Variants in FOXN1 observed in about 807,000 individuals in gnomAD.
FOXN1 encodes forkhead box protein N1.
A neutral mutation model predicts 49.0 loss-of-function variants in FOXN1; 15 were observed. The observed-to-expected ratio is 0.31, with a 90% confidence interval of 0.20 to 0.47. FOXN1 has a LOEUF of 0.47. FOXN1 is among the 20% of genes least tolerant of loss of function. The pLI is 1.00. For missense variants in FOXN1, 800 were observed against 842.8 expected (o/e 0.95, Z 0.63); for synonymous variants, 356 against 369.0 (o/e 0.96, Z 0.40).
chr17:28,523,828 C>G, intron 1 of FOXN1, 128 bp from the exon 2 acceptor site: 1 of 648,562 alleles, frequency 1.5e-6, no homozygotes, highest in East Asian at 2.8e-5. Flanking sequence ...CTCTCTCTCT[C>G]TCTCATCAGA....
At chr17:28,510,580 G>GCACACACACA (rs5819850) in intron 1 of FOXN1, among the ~76,000 whole-genome samples, 2 of 138,182 alleles carry the variant, frequency 1.4e-5, no homozygotes, top group South Asian at 2.4e-4. Context: ...GCACACACAC[G>GCACACACACA]CACACACACA....
chr17:28,520,931 T>G (rs539559070), intron 1 of FOXN1, among the ~76,000 whole-genome samples: 1 of 152,260 alleles, frequency 6.6e-6, no homozygotes, highest in Admixed American at 6.5e-5. Context: ...GGGCTGGGTC[T>G]TCAGCCAATC....
intron 1 of FOXN1, among the ~76,000 whole-genome samples, chr17:28,516,001 A>G (rs2069486186): frequency 6.6e-6 from 1 of 151,900 alleles, no homozygotes; most frequent in Non-Finnish European, 1.5e-5. Flanking sequence ...ACACACCTCC[A>G]GAGGATCCAT....
intron 3 of FOXN1, among the ~76,000 whole-genome samples, chr17:28,525,884 C>T (rs2151488632): frequency 6.6e-6 from 1 of 152,294 alleles, no homozygotes; most frequent in African/African-American, 2.4e-5. Flanking sequence ...TTAAACATGA[C>T]CACAGCCTAC....
At position 28,524,799 on chromosome 17, in the gene FOXN1, C is replaced by T. The variant is rs536976735; in HGVS notation, c.420C>T (p.Thr140=). ...AGGACGTCTTCCCAGAGGCCGAGAC[C>T]ACCCTGGCCCTCAAAGGACACTCCT... ...FHEDVFPEAE[T]TLALKGHSFK... is the part of the protein sequence containing the mutation. The change falls in exon 3 of 9, where the codon ACC becomes ACT. Residue 140 remains threonine (T), a synonymous_variant. Coordinates refer to ENST00000579795, the MANE Select transcript of FOXN1 (RefSeq NM_001369369.1). 2 of 1,613,700 alleles carry T rather than the reference C, an allele frequency of 1.2e-6. No individual in the cohort carries two copies. Among genetic ancestry groups the T allele is most frequent in the South Asian group, 2.2e-5 (2 of 91,070 alleles).
In FOXN1 at chr17:28,534,127, C is replaced by T. The variant is rs888817594; in HGVS notation, c.928-204C>T. The stretch of plus-strand genomic sequence containing the variant: ...GAAGGCAGATTTGAGATGAAAATAA[C>T]TTGGGGTCAAGGTTCCTGTTCACCC... On this transcript the variant is annotated intron_variant, in intron 6 of 8. Transcript: ENST00000579795. This position sits in a 1 kb window ranked among gnomAD's most constrained non-coding sequence, Gnocchi z 4.1. 2.6e-5 allele frequency among the ~76,000 whole-genome samples: 4 copies of T among 152,274 alleles called. No homozygotes were observed. The highest frequency in any genetic ancestry group is 2.6e-4 in the Admixed American group (4 of 15,300).
chr17:28,534,625 G>C lies in FOXN1; in HGVS notation c.1136-82G>C, dbSNP rs1194211200. On this transcript the variant is annotated intron_variant, in intron 7 of 8. Transcript: ENST00000579795. The surrounding 1 kb of genome is among the most constrained non-coding windows in gnomAD (Gnocchi z 4.1). ...AAGAGAGAATCAGAGAATGAGGCAA[G>C]GCCCCGAGTAAGGGTTCCAGTCTGG... The C allele has an allele frequency of 7.5e-6, 12 of 1,603,432 alleles. No homozygotes were observed. Among genetic ancestry groups the C allele is most frequent in the Non-Finnish European group, 9.4e-6 (11 of 1,175,144 alleles).
intron 1 of FOXN1, among the ~76,000 whole-genome samples, chr17:28,521,352 A>G (rs1319163419): frequency 6.6e-6 from 1 of 152,186 alleles, no homozygotes; most frequent in Non-Finnish European, 1.5e-5. Flanking sequence ...TCGGCCTCCC[A>G]TTTGGAGCTG....
chr17:28,536,118 G>A (rs2151500701), intron 8 of FOXN1, among the ~76,000 whole-genome samples: 1 of 152,250 alleles, frequency 6.6e-6, no homozygotes, highest in East Asian at 1.9e-4. Context: ...CTCAGACTCT[G>A]TGTGCACAGG....
chr17:28,531,963 G>GA (rs780147304), intron 6 of FOXN1, among the ~76,000 whole-genome samples: 2 of 152,158 alleles, frequency 1.3e-5, no homozygotes, highest in South Asian at 2.1e-4. Flanking sequence ...GGGAAAGAGG[G>GA]AGGGAGGTGA....
In FOXN1 at chr17:28,513,394, A is replaced by T. The variant is rs371617328; in HGVS notation, c.-15+6951A>T. On this transcript the variant is annotated intron_variant, in intron 1 of 8. Coordinates refer to ENST00000579795, the MANE Select transcript of FOXN1 (RefSeq NM_001369369.1). ...TCACAGAAATAAAAATACTTAAAAT[A>T]AAAAAATAAAACATTCATCTATCTG... is the stretch of plus-strand genomic sequence containing the variant. 9.3e-3 allele frequency among the ~76,000 whole-genome samples: 1,408 copies of T among 152,022 alleles called. 16 individuals carry two copies. The highest frequency in any genetic ancestry group is 0.032 in the African/African-American group (1,327 of 41,282).
intron 1 of FOXN1, among the ~76,000 whole-genome samples, chr17:28,514,279 G>A (rs1168866384): frequency 1.3e-5 from 2 of 152,036 alleles, no homozygotes; most frequent in African/African-American, 4.8e-5. Context: ...GGGGGACATG[G>A]TGGCTTTTCA....
rs1386634041 is a variant in FOXN1 at position 28,538,221 on chromosome 17, G to A, written c.*785G>A. ...AGTGTTTGGAAAAGCCCTTGCCCTC[G>A]GAAACTTGAACATGTCCTTTTTCCC... On this transcript the variant is annotated 3_prime_UTR_variant, in exon 9 of 9. Coordinates refer to ENST00000579795, the MANE Select transcript of FOXN1 (RefSeq NM_001369369.1). 2.0e-5 allele frequency: 3 copies of A among 152,072 alleles called. No homozygotes were observed. The highest frequency in any genetic ancestry group is 2.1e-4 in the South Asian group (1 of 4,812). The allele number at this position is 152,072 out of a possible 1,614,324, so 9.4% of individuals were successfully genotyped here. A position where few individuals can be genotyped will look rare whatever the true frequency, so the allele number is the denominator to read the frequency against.
chr17:28,530,686 G>C, intron 5 of FOXN1, 63 bp from the exon 6 acceptor site: 2 of 891,024 alleles, frequency 2.2e-6, no homozygotes, highest in Non-Finnish European at 3.8e-6. Flanking sequence ...GGGGTGGGGG[G>C]CTTGGGGTGG....
intron 2 of FOXN1, 152 bp from the exon 3 acceptor site, chr17:28,524,351 G>GGCT (rs1555609104): frequency 2.3e-6 from 1 of 436,680 alleles, no homozygotes; most frequent in Middle Eastern, 5.1e-4. Flanking sequence ...ATGAAATCGG[G>GGCT]GCCAAGGGTA....
rs986069743 is a variant in FOXN1 at position 28,506,802 on chromosome 17, G to C, written c.-15+359G>C. 3.3e-5 allele frequency among the ~76,000 whole-genome samples: 5 copies of C among 152,212 alleles called. No individual in the cohort carries two copies. The East Asian group carries it at 9.6e-4, about 29-fold the overall frequency. Reference sequence around the variant, plus strand: ...CAAAAGTGTTAGATCTGGAAAACTAGAGCTGAAAGGCAGGGGGCCAAGTTC... The same window carrying C: ...CAAAAGTGTTAGATCTGGAAAACTACAGCTGAAAGGCAGGGGGCCAAGTTC... On this transcript the variant is annotated intron_variant, in intron 1 of 8. Coordinates refer to ENST00000579795, the MANE Select transcript of FOXN1 (RefSeq NM_001369369.1).
chr17:28,521,575 C>T (rs1025693059), intron 1 of FOXN1, among the ~76,000 whole-genome samples: 27 of 152,362 alleles, frequency 1.8e-4, no homozygotes, highest in Admixed American at 1.8e-3. Context: ...GCCAGCTCGG[C>T]GCTTCCCTGG....
chr17:28,520,699 G>A (rs1171359438), intron 1 of FOXN1, among the ~76,000 whole-genome samples: 1 of 152,212 alleles, frequency 6.6e-6, no homozygotes, highest in Non-Finnish European at 1.5e-5. Flanking sequence ...AGCTGGAGAT[G>A]ATGTTCTGGA....
At chr17:28,530,930 T>G (rs1597561428) in intron 6 of FOXN1, 85 bp downstream of exon 6, 1 of 823,734 alleles carries the variant, frequency 1.2e-6, no homozygotes, top group Non-Finnish European at 2.2e-6. Context: ...TGTCTGGAGG[T>G]GGGAGAAGAA....
Sources: gnomAD v4.1 joint callset for allele counts (sites outside exome capture counted in the v4.1 genomes callset) on GRCh38, gnomAD v4.1.1 for gene constraint, Gnocchi (gnomAD v3.1) non-coding constraint, MANE v1.5 for transcripts, NCBI Gene and HGNC (gene_info 2026-07-23, HGNC 2026-07-21) for gene names.